Variants in TIAL1 observed in about 807,000 individuals in gnomAD.
TIAL1 encodes the protein nucleolysin TIAR.
In TIAL1, 7 loss-of-function variants were observed where a neutral mutation model predicts 59.7. The observed-to-expected ratio is 0.12, with a 90% CI of 0.07 to 0.22. TIAL1 has a LOEUF of 0.22. Ranked by LOEUF, TIAL1 falls within the 10% of genes least tolerant of loss-of-function variation. The probability of loss-of-function intolerance (pLI) is 1.00; values close to 1 mark genes in which losing one functional copy is unlikely to be tolerated. For synonymous variants in TIAL1, 149 were observed against 146.3 expected (o/e 1.02, Z -0.13); for missense variants, 225 against 462.5 (o/e 0.49, Z 4.71).
intron 1 of TIAL1, among the ~76,000 whole-genome samples, chr10:119,595,824 T>C (rs1846145609): frequency 6.6e-6 from 1 of 152,210 alleles, no homozygotes; most frequent in Non-Finnish European, 1.5e-5. Flanking sequence ...GTATCCCTTA[T>C]GTACTTCAAA....
In TIAL1 at chr10:119,582,319, T is replaced by G; in HGVS notation, c.229-96A>C. 6.8e-6 allele frequency: 10 copies of G among 1,473,786 alleles called. No individual in the cohort carries two copies. In the South Asian group the frequency reaches 1.3e-4, roughly 20 times the overall value. The allele number at this position is 1,473,786 out of a possible 1,614,324, so 91.3% of individuals were successfully genotyped here. A position where few individuals can be genotyped will look rare whatever the true frequency, so the allele number is the denominator to read the frequency against. On this transcript the variant is annotated intron_variant, in intron 3 of 11. Transcript: ENST00000436547. The surrounding 1 kb of genome is among the most constrained non-coding windows in gnomAD (Gnocchi z 5.1). ...ATCATTTATCAAGCAGGGTTATTTT[T>G]GTAAAAGCACTAAGCTGAATAAAGC...
Position 119,582,708 on chromosome 10 carries a change from T to TAA in TIAL1, c.130-153_130-152dup. On this transcript the variant is annotated intron_variant, in intron 2 of 11. Transcript: ENST00000436547. The surrounding 1 kb of genome is among the most constrained non-coding windows in gnomAD (Gnocchi z 5.1). ...AGCCTAACACTTTTTAAATAAGATTTAAAGCTAAACCTGACTTTGCACCTC... is the reference window on the plus strand; with the variant it reads ...AGCCTAACACTTTTTAAATAAGATTTAAAAAGCTAAACCTGACTTTGCACCTC... 2 of 1,296,522 alleles carry TAA rather than the reference T, an allele frequency of 1.5e-6. No homozygotes were observed. Among genetic ancestry groups the TAA allele is most frequent in the Non-Finnish European group, 2.0e-6 (2 of 984,438 alleles). 80.3% of individuals were successfully genotyped at this position (1,296,522 alleles called of 1,614,324 possible).
chr10:119,581,852 T>C, intron 5 of TIAL1, 70 bp downstream of exon 5: 2 of 1,137,586 alleles, frequency 1.8e-6, no homozygotes, highest in East Asian at 2.4e-5. Flanking sequence ...AAAATCTTAA[T>C]TCAATTACAA....
At chr10:119,576,202 GA>G (rs34336844) in intron 11 of TIAL1, among the ~76,000 whole-genome samples, 39,401 of 109,470 alleles carry the variant, frequency 0.36, 5,408 homozygotes, top group East Asian at 0.58. Flanking sequence ...ATCAACAAAA[GA>G]AAAAAAAAAA....
Position 119,588,090 on chromosome 10 carries a change from T to A in TIAL1, c.129+62A>T, listed in dbSNP as rs190821292. 4,061 of 1,019,554 alleles carry A rather than the reference T, an allele frequency of 4.0e-3. 14 individuals are homozygous for A. Among genetic ancestry groups the A allele is most frequent in the Non-Finnish European group, 5.1e-3 (3,732 of 725,394 alleles). The allele number at this position is 1,019,554 out of a possible 1,614,324, so 63.2% of individuals were successfully genotyped here. Reference sequence around the variant, plus strand: ...TAACTTGAGGCTTACAATGAAATTTTAAAATCATGCTAATCAACCCATCAT... The same window carrying A: ...TAACTTGAGGCTTACAATGAAATTTAAAAATCATGCTAATCAACCCATCAT... On this transcript the variant is annotated intron_variant, in intron 2 of 11. Transcript: ENST00000436547.
chr10:119,575,546 C>T lies in TIAL1; in HGVS notation c.*119G>A. 7.1e-7 allele frequency: 1 copy of T among 1,409,620 alleles called. No homozygotes were observed. The highest frequency in any genetic ancestry group is 1.2e-5 in the South Asian group (1 of 80,292). The allele number at this position is 1,409,620 out of a possible 1,614,324, so 87.3% of individuals were successfully genotyped here. A position where few individuals can be genotyped will look rare whatever the true frequency, so the allele number is the denominator to read the frequency against. Reference sequence around the variant, plus strand: ...CAAAGCAAATCTGTGCTAAAGGTTCCAAACATTTCAATTTTTAAAATAAAT... The same window carrying T: ...CAAAGCAAATCTGTGCTAAAGGTTCTAAACATTTCAATTTTTAAAATAAAT... On this transcript the variant is annotated 3_prime_UTR_variant, in exon 12 of 12. Coordinates refer to ENST00000436547, the MANE Select transcript of TIAL1 (RefSeq NM_003252.4).
At chr10:119,577,056 GA>G in intron 10 of TIAL1, 23 bp downstream of exon 10, 2 of 1,611,188 alleles carry the variant, frequency 1.2e-6, no homozygotes, top group Non-Finnish European at 1.7e-6. Flanking sequence ...AAACCTTAAA[GA>G]ATGCTATGAA....
chr10:119,578,852 A>G lies in TIAL1; in HGVS notation c.448-18T>C. On this transcript the variant is annotated intron_variant, in intron 6 of 11. Coordinates refer to ENST00000436547, the MANE Select transcript of TIAL1 (RefSeq NM_003252.4). ...TCTGCATCCTATGGATAAAAAAGAA[A>G]GCACAATCACAAAGAAAAGAGTGAT... is the stretch of plus-strand genomic sequence containing the variant. The G allele has an allele frequency of 6.3e-7, 1 of 1,589,794 alleles. No homozygotes were observed. Among genetic ancestry groups the G allele is most frequent in the Admixed American group, 1.7e-5 (1 of 59,814 alleles).
chr10:119,575,589 T>C lies in TIAL1; in HGVS notation c.*76A>G. On this transcript the variant is annotated 3_prime_UTR_variant, in exon 12 of 12. Transcript: ENST00000436547. The stretch of plus-strand genomic sequence containing the variant: ...AAATAAATATTTTCATTTTCCGATG[T>C]CTACTTTCATGTCTTCAGAGTGTCA... 1.3e-6 allele frequency: 2 copies of C among 1,545,152 alleles called. No individual in the cohort carries two copies. Among genetic ancestry groups the C allele is most frequent in the Non-Finnish European group, 1.8e-6 (2 of 1,124,242 alleles).
chr10:119,575,709 G>A lies in TIAL1; in HGVS notation c.1084C>T (p.Pro362Ser), dbSNP rs759881945. ...GCCATACCATATCCGGCTTGGTTAG[G>A]AGGAGGTATTACAGGGGGAGGAGCT... ...GQAPPPVIPP[P>S]NQAGYGMASY... The change falls in exon 12 of 12, where the codon CCT (proline) becomes TCT (serine). Residue 362 changes from proline (P) to serine (S), a missense_variant. Pro to Ser is a moderately conservative substitution (Grantham distance 74, BLOSUM62 -1). Transcript: ENST00000436547. 1 of 1,612,540 alleles carries A rather than the reference G, an allele frequency of 6.2e-7. No homozygotes were observed. Among genetic ancestry groups the A allele is most frequent in the East Asian group, 2.2e-5 (1 of 44,690 alleles).
chr10:119,582,702 A>T lies in TIAL1; in HGVS notation c.130-145T>A, dbSNP rs1049453168. Reference sequence around the variant, plus strand: ...TATGAAAGCCTAACACTTTTTAAATAAGATTTAAAGCTAAACCTGACTTTG... The same window carrying T: ...TATGAAAGCCTAACACTTTTTAAATTAGATTTAAAGCTAAACCTGACTTTG... On this transcript the variant is annotated intron_variant, in intron 2 of 11. Coordinates refer to ENST00000436547, the MANE Select transcript of TIAL1 (RefSeq NM_003252.4). The surrounding 1 kb of genome is among the most constrained non-coding windows in gnomAD (Gnocchi z 5.1). 4 of 1,313,530 alleles carry T rather than the reference A, an allele frequency of 3.0e-6. No individual in the cohort carries two copies. The highest frequency in any genetic ancestry group is 3.0e-6 in the Non-Finnish European group (3 of 995,962). 81.4% of individuals were successfully genotyped at this position (1,313,530 alleles called of 1,614,324 possible). A position where few individuals can be genotyped will look rare whatever the true frequency, so the allele number is the denominator to read the frequency against.
In TIAL1 at chr10:119,596,734, A is replaced by G. The variant is rs1846223515; in HGVS notation, c.-269T>C. ...GAGCGCAGGCGCGACCCGCCAGGTCACCGCTCAGGCCAGCCGCGACAGCCT... is the reference window on the plus strand; with the variant it reads ...GAGCGCAGGCGCGACCCGCCAGGTCGCCGCTCAGGCCAGCCGCGACAGCCT... On this transcript the variant is annotated 5_prime_UTR_variant, in exon 1 of 12. Transcript: ENST00000436547. 1 of 545,946 alleles carries G rather than the reference A, an allele frequency of 1.8e-6. No individual in the cohort carries two copies. The highest frequency in any genetic ancestry group is 1.9e-5 in the African/African-American group (1 of 51,958). 33.8% of individuals were successfully genotyped at this position (545,946 alleles called of 1,614,324 possible). A position where few individuals can be genotyped will look rare whatever the true frequency, so the allele number is the denominator to read the frequency against.
intron 2 of TIAL1, among the ~76,000 whole-genome samples, chr10:119,584,848 T>C (rs569880995): frequency 2.3e-4 from 34 of 150,086 alleles, no homozygotes; most frequent in Non-Finnish European, 4.1e-4. Flanking sequence ...TGCTCACGCC[T>C]GTAACCCAAG....
chr10:119,587,967 C>G lies in TIAL1; in HGVS notation c.129+185G>C, dbSNP rs149794805. Among the ~76,000 whole-genome samples, 4 of 152,280 alleles carry G rather than the reference C, an allele frequency of 2.6e-5. No homozygotes were observed. The East Asian group carries it at 7.7e-4, about 29-fold the overall frequency. On this transcript the variant is annotated intron_variant, in intron 2 of 11. Coordinates refer to ENST00000436547, the MANE Select transcript of TIAL1 (RefSeq NM_003252.4). ...GAATGACCGTTTGAGCTTAACAGCA[C>G]GGAAACTTTGCCCTCTTAAATAAAA...
At chr10:119,587,373 C>T (rs1272284244) in intron 2 of TIAL1, among the ~76,000 whole-genome samples, 1 of 152,216 alleles carries the variant, frequency 6.6e-6, no homozygotes, top group Non-Finnish European at 1.5e-5. Context: ...GTACTACTAT[C>T]CTTTCAAGGT....
chr10:119,594,885 A>T (rs897601881), intron 1 of TIAL1, among the ~76,000 whole-genome samples: 1 of 152,170 alleles, frequency 6.6e-6, no homozygotes, highest in African/African-American at 2.4e-5. Context: ...GGCCTCCCAA[A>T]GTGCTGGGAT....
At chr10:119,595,531 A>C (rs926021291) in intron 1 of TIAL1, among the ~76,000 whole-genome samples, 1 of 152,198 alleles carries the variant, frequency 6.6e-6, no homozygotes, top group African/African-American at 2.4e-5. Flanking sequence ...GAAAGGAAGG[A>C]AACCAGAATT....
chr10:119,585,494 G>A (rs1328839472), intron 2 of TIAL1, among the ~76,000 whole-genome samples: 2 of 151,328 alleles, frequency 1.3e-5, no homozygotes, highest in East Asian at 3.9e-4. Context: ...ACCTTATTTA[G>A]CGTTGTCACC....
In TIAL1 at chr10:119,577,208, G is replaced by C. The variant is rs750931056; in HGVS notation, c.738-5C>G. The C allele has an allele frequency of 1.3e-6, 2 of 1,590,366 alleles. No individual in the cohort carries two copies. Among genetic ancestry groups the C allele is most frequent in the Admixed American group, 1.9e-5 (1 of 52,418 alleles). On this transcript the variant is annotated splice_polypyrimidine_tract_variant and splice_region_variant and intron_variant, in intron 9 of 11. Coordinates refer to ENST00000436547, the MANE Select transcript of TIAL1 (RefSeq NM_003252.4). ...GCACTTTCATGGGTTGAAAATCTAA[G>C]AAAGAAAAATGATATGGTTTTGTCT...
Sources: allele counts gnomAD v4.1 joint callset (sites outside exome capture counted in the v4.1 genomes callset), GRCh38; gene constraint gnomAD v4.1.1; non-coding constraint Gnocchi (gnomAD v3.1); transcripts MANE v1.5; gene names NCBI Gene and HGNC (gene_info 2026-07-23, HGNC 2026-07-21).